The following RORA variants were observed in gnomAD, a reference collection of about 807,000 sequenced individuals.
RORA encodes RAR related orphan receptor A.
RORA carries 7 observed loss-of-function variants against 69.5 expected under a neutral mutation model. The ratio of observed to expected loss-of-function variants is 0.10; its 90% CI spans 0.06 to 0.19. RORA has a LOEUF of 0.19. Among genes scored for constraint, RORA ranks in the 10% least tolerant of loss-of-function variants. RORA has a pLI of 1.00. For missense variants in RORA, 457 were observed against 663.0 expected (o/e 0.69, Z 3.41); for synonymous variants, 261 against 240.8 (o/e 1.08, Z -0.78).
At chr15:61,191,169 CCT>C (rs944323507) in intron 1 of RORA, among the ~76,000 whole-genome samples, 4 of 152,006 alleles carry the variant, frequency 2.6e-5, no homozygotes, top group Admixed American at 2.6e-4. Context: ...AAGCTCTGAA[CCT>C]CTGTTTCCTC....
intron 1 of RORA, among the ~76,000 whole-genome samples, chr15:60,779,573 A>C (rs1187457372): frequency 6.6e-6 from 1 of 152,220 alleles, no homozygotes. Context: ...ACAAGTAAGT[A>C]AACAGATAGG....
chr15:61,137,098 A>AGAAAGAAAGAAAGAAAGAAG (rs2079253192), intron 1 of RORA, among the ~76,000 whole-genome samples: 1 of 148,118 alleles, frequency 6.8e-6, no homozygotes, highest in East Asian at 2.0e-4. Flanking sequence ...AAAGAAAGAA[A>AGAAAGAAAGAAAGAAAGAAG]GAAAAAAGCA....
At chr15:60,796,269 C>G (rs567264198) in intron 1 of RORA, among the ~76,000 whole-genome samples, 109 of 152,206 alleles carry the variant, frequency 7.2e-4, no homozygotes, top group African/African-American at 2.4e-3. Context: ...AAGAGCTTCC[C>G]CATGCACACG....
intron 2 of RORA, among the ~76,000 whole-genome samples, chr15:60,557,394 G>C (rs1457420451): frequency 6.6e-6 from 1 of 152,208 alleles, no homozygotes; most frequent in East Asian, 1.9e-4. Context: ...TTTGGAAGCA[G>C]CAAAAATCAC....
chr15:61,123,439 T>A (rs577143205), intron 1 of RORA, among the ~76,000 whole-genome samples: 1 of 152,080 alleles, frequency 6.6e-6, no homozygotes, highest in African/African-American at 2.4e-5. Context: ...CTAAACCAGG[T>A]GTCTAATCCA....
chr15:60,777,743 G>A (rs537246000), intron 1 of RORA, among the ~76,000 whole-genome samples: 1 of 152,294 alleles, frequency 6.6e-6, no homozygotes, highest in Admixed American at 6.5e-5. Context: ...CTCACCTCTA[G>A]TAACCACTTT....
intron 1 of RORA, among the ~76,000 whole-genome samples, chr15:61,206,420 C>T (rs967168027): frequency 1.3e-5 from 2 of 152,154 alleles, no homozygotes; most frequent in African/African-American, 2.4e-5. Flanking sequence ...GTATGCAAAG[C>T]ACTGTGTTAA....
intron 2 of RORA, among the ~76,000 whole-genome samples, chr15:60,635,106 G>A (rs979235674): frequency 6.6e-6 from 1 of 152,196 alleles, no homozygotes; most frequent in Non-Finnish European, 1.5e-5. Context: ...CCCAGGCCAG[G>A]CTGCCGCCAC....
chr15:60,736,128 T>C (rs1360473257), intron 1 of RORA, among the ~76,000 whole-genome samples: 1 of 152,178 alleles, frequency 6.6e-6, no homozygotes, highest in African/African-American at 2.4e-5. Flanking sequence ...TGGGGGATTC[T>C]CACTAGGGAT....
At chr15:60,774,395 C>T (rs1049097921) in intron 1 of RORA, among the ~76,000 whole-genome samples, 9 of 152,202 alleles carry the variant, frequency 5.9e-5, no homozygotes, top group Non-Finnish European at 1.2e-4. Context: ...TCCTGAGAGG[C>T]CATCAACAGA....
Position 60,868,350 on chromosome 15 carries a change from C to T in RORA, c.167-189664G>A, listed in dbSNP as rs187219962. Among the ~76,000 whole-genome samples, 614 of 152,292 alleles carry T rather than the reference C, an allele frequency of 4.0e-3. 1 individual carries two copies. Among genetic ancestry groups the T allele is most frequent in the African/African-American group, 0.014 (590 of 41,564 alleles). On this transcript the variant is annotated intron_variant, in intron 1 of 10. Transcript: ENST00000335670. The stretch of plus-strand genomic sequence containing the variant: ...GTAATAGCATCTCCCTTGGAGGTCA[C>T]TGTGAATAGTATAAGTTGGTACATG...
chr15:60,832,851 C>T (rs1372395366), intron 1 of RORA, among the ~76,000 whole-genome samples: 1 of 152,218 alleles, frequency 6.6e-6, no homozygotes, highest in African/African-American at 2.4e-5. Context: ...CACTGTGTCT[C>T]CCGCCATCCA....
At chr15:61,152,947 T>C (rs1403381424) in intron 1 of RORA, among the ~76,000 whole-genome samples, 2 of 152,178 alleles carry the variant, frequency 1.3e-5, no homozygotes, top group Non-Finnish European at 2.9e-5. Flanking sequence ...GGACAAAGCA[T>C]TGTGGACAGA....
intron 1 of RORA, among the ~76,000 whole-genome samples, chr15:60,796,388 A>T (rs1284934487): frequency 6.6e-6 from 1 of 152,214 alleles, no homozygotes; most frequent in African/African-American, 2.4e-5. Context: ...CATGGCAGTG[A>T]CCAGGTCGGT....
At chr15:60,817,727 C>G (rs1306113109) in intron 1 of RORA, among the ~76,000 whole-genome samples, 1 of 152,154 alleles carries the variant, frequency 6.6e-6, no homozygotes, top group Non-Finnish European at 1.5e-5. Flanking sequence ...TGAGGCCCCT[C>G]TAGGGTGCAC....
intron 9 of RORA, 65 bp from the exon 10 acceptor site, chr15:60,500,069 G>A (rs1047191492): frequency 5.1e-6 from 5 of 973,884 alleles, no homozygotes; most frequent in African/African-American, 3.3e-5. Context: ...CTTCTTCTCC[G>A]GATTCTTTTG....
chr15:61,199,893 T>A lies in RORA; in HGVS notation c.166+29160A>T, dbSNP rs1381988460. On this transcript the variant is annotated intron_variant, in intron 1 of 10. Coordinates refer to ENST00000335670, the MANE Select transcript of RORA (RefSeq NM_134261.3). ...CAACACAGAACGAGCTGTGCCGTGCTGTCGGGGACTGGGATACACCTGGGT... is the reference window on the plus strand; with the variant it reads ...CAACACAGAACGAGCTGTGCCGTGCAGTCGGGGACTGGGATACACCTGGGT... 2.6e-5 allele frequency among the ~76,000 whole-genome samples: 4 copies of A among 152,330 alleles called. No homozygotes were observed. The South Asian group carries it at 6.2e-4, about 24-fold the overall frequency.
At chr15:61,165,045 A>G (rs769981723) in intron 1 of RORA, among the ~76,000 whole-genome samples, 42 of 152,196 alleles carry the variant, frequency 2.8e-4, no homozygotes, top group Non-Finnish European at 4.6e-4. Context: ...CCTACTGAGA[A>G]GAAGGCATCC....
At chr15:61,030,377 T>C (rs1267141823) in intron 1 of RORA, among the ~76,000 whole-genome samples, 3 of 152,196 alleles carry the variant, frequency 2.0e-5, no homozygotes, top group African/African-American at 4.8e-5. Context: ...CACTAAAGTA[T>C]TCCAGGTATT....
Sources: allele counts gnomAD v4.1 joint callset (sites outside exome capture counted in the v4.1 genomes callset), GRCh38; gene constraint gnomAD v4.1.1; transcripts MANE v1.5; gene names NCBI Gene and HGNC (gene_info 2026-07-23, HGNC 2026-07-21).